Variants in NXPE4 observed in about 807,000 individuals in gnomAD.
The protein encoded by NXPE4 is NXPE family member 4.
Under a neutral mutation model 33.3 loss-of-function variants are expected in NXPE4, and 42 were observed. The observed-to-expected ratio is 1.26, with a 90% CI of 0.98 to 1.63. NXPE4 has a LOEUF of 1.63. Among genes scored for constraint, NXPE4 ranks in the 40% most tolerant of loss-of-function variants. NXPE4 has a pLI of 0.00. For missense variants in NXPE4, 709 were observed against 647.6 expected (o/e 1.09, Z -1.03); for synonymous variants, 253 against 234.9 (o/e 1.08, Z -0.71).
intron 5 of NXPE4, among the ~76,000 whole-genome samples, chr11:114,572,628 A>G (rs1948916726): frequency 6.6e-6 from 1 of 152,206 alleles, no homozygotes; most frequent in Admixed American, 6.5e-5. Flanking sequence ...TCAGAGCTAG[A>G]AGACAAGGCT....
chr11:114,639,838 A>AAATATAAAAT, the NXPE4 span, among the ~76,000 whole-genome samples: 12 of 112,016 alleles, frequency 1.1e-4, no homozygotes, highest in Non-Finnish European at 1.5e-4. Flanking sequence ...ATATTATATT[A>AAATATAAAAT]AATATAAAAT....
At chr11:114,609,716 T>A in the NXPE4 span, among the ~76,000 whole-genome samples, 1 of 151,726 alleles carries the variant, frequency 6.6e-6, no homozygotes, top group South Asian at 2.1e-4. Flanking sequence ...ACCCGGTGGA[T>A]AATAAGTATT....
At chr11:114,666,288 G>A in the NXPE4 span, among the ~76,000 whole-genome samples, 3 of 152,012 alleles carry the variant, frequency 2.0e-5, no homozygotes, top group Admixed American at 6.6e-5. Context: ...TCATTTTTAC[G>A]ACATTTCTTG....
chr11:114,638,939 G>C, the NXPE4 span, among the ~76,000 whole-genome samples: 1 of 152,068 alleles, frequency 6.6e-6, no homozygotes, highest in South Asian at 2.1e-4. Flanking sequence ...TGAGGAGGCA[G>C]TCTGCCCATT....
At chr11:114,632,714 A>T in the NXPE4 span, among the ~76,000 whole-genome samples, 1 of 74,068 alleles carries the variant, frequency 1.4e-5, no homozygotes, top group Non-Finnish European at 2.3e-5. Flanking sequence ...AATATAATAT[A>T]ATATATATAA....
At chr11:114,640,095 TATA>T in the NXPE4 span, among the ~76,000 whole-genome samples, 3 of 121,266 alleles carry the variant, frequency 2.5e-5, no homozygotes, top group East Asian at 7.8e-4. Flanking sequence ...TGTAATATAA[TATA>T]TGATTATATA....
the NXPE4 span, among the ~76,000 whole-genome samples, chr11:114,602,793 T>A: frequency 1.4e-5 from 2 of 143,360 alleles, no homozygotes; most frequent in African/African-American, 5.1e-5. Flanking sequence ...GTATAATAAT[T>A]ATCTCATATA....
the NXPE4 span, among the ~76,000 whole-genome samples, chr11:114,630,466 C>A: frequency 3.3e-5 from 5 of 151,606 alleles, no homozygotes; most frequent in Admixed American, 2.6e-4. Flanking sequence ...AACTGGCTAG[C>A]CATATGTAGA....
At chr11:114,579,598 G>A (rs1949089517) in intron 5 of NXPE4, among the ~76,000 whole-genome samples, 1 of 152,236 alleles carries the variant, frequency 6.6e-6, no homozygotes, top group Middle Eastern at 3.4e-3. Flanking sequence ...TTACACCAAA[G>A]AGAAGTTATG....
the NXPE4 span, among the ~76,000 whole-genome samples, chr11:114,636,159 C>T: frequency 1.3e-5 from 2 of 152,006 alleles, no homozygotes; most frequent in South Asian, 4.2e-4. Flanking sequence ...TTGGTCTATT[C>T]AGAGATTCAA....
chr11:114,633,200 A>G, the NXPE4 span, among the ~76,000 whole-genome samples: 1 of 129,262 alleles, frequency 7.7e-6, no homozygotes, highest in African/African-American at 3.0e-5. Flanking sequence ...TATTATGTAT[A>G]AACATGTATA....
chr11:114,619,111 A>T, the NXPE4 span, among the ~76,000 whole-genome samples: 1 of 151,972 alleles, frequency 6.6e-6, no homozygotes, highest in African/African-American at 2.4e-5. Flanking sequence ...CACTGTGGAT[A>T]ATAAGTGTTG....
the NXPE4 span, among the ~76,000 whole-genome samples, chr11:114,658,636 T>C: frequency 6.6e-6 from 1 of 152,110 alleles, no homozygotes; most frequent in South Asian, 2.1e-4. Context: ...AAGATCCCTG[T>C]GGTTGGGAAA....
the NXPE4 span, among the ~76,000 whole-genome samples, chr11:114,602,727 C>T: frequency 7.0e-6 from 1 of 142,806 alleles, no homozygotes; most frequent in Non-Finnish European, 1.5e-5. Flanking sequence ...ATATAATTAT[C>T]TCATATATAA....
intron 5 of NXPE4, among the ~76,000 whole-genome samples, chr11:114,576,556 C>T (rs1328944939): frequency 6.6e-6 from 1 of 151,868 alleles, no homozygotes; most frequent in African/African-American, 2.4e-5. Context: ...AGACAATTCT[C>T]CAAAGAAGAT....
the NXPE4 span, among the ~76,000 whole-genome samples, chr11:114,602,914 TATA>T: frequency 1.3e-5 from 2 of 148,970 alleles, no homozygotes; most frequent in South Asian, 2.1e-4. Context: ...CAGAATCATA[TATA>T]ATAATCTAAT....
chr11:114,581,601 C>A, intron 4 of NXPE4, 124 bp downstream of exon 4: 3 of 764,970 alleles, frequency 3.9e-6, no homozygotes, highest in Non-Finnish European at 4.4e-6. Context: ...CTTGGCCAAC[C>A]TTAGATAAGC....
At chr11:114,572,392 A>C (rs1207484054) in intron 5 of NXPE4, among the ~76,000 whole-genome samples, 2 of 152,224 alleles carry the variant, frequency 1.3e-5, no homozygotes, top group Non-Finnish European at 2.9e-5. Flanking sequence ...CAGGAAAAAT[A>C]ATTTAGAAGG....
chr11:114,598,691 G>A (rs1490510185), upstream of NXPE4, among the ~76,000 whole-genome samples: 1 of 152,020 alleles, frequency 6.6e-6, no homozygotes, highest in Non-Finnish European at 1.5e-5. Flanking sequence ...TGGAGCTGGA[G>A]CAGCTGGGAT....
Sources: allele counts gnomAD v4.1 joint callset (sites outside exome capture counted in the v4.1 genomes callset), GRCh38; gene constraint gnomAD v4.1.1; transcripts MANE v1.5; gene names NCBI Gene and HGNC (gene_info 2026-07-23, HGNC 2026-07-21).